OPCML: variants seen among roughly 807,000 people sequenced by gnomAD.
OPCML encodes the protein opioid-binding protein/cell adhesion molecule.
Under a neutral mutation model 37.8 loss-of-function variants are expected in OPCML, and 13 were observed. That is an observed-to-expected ratio of 0.34 (90% CI 0.22 to 0.55). The LOEUF (loss-of-function observed/expected upper bound fraction) is 0.55. Ranked by LOEUF, OPCML falls within the 20% of genes least tolerant of loss-of-function variation. The pLI is 0.91. For missense variants in OPCML, 341 were observed against 435.6 expected, an observed-to-expected ratio of 0.78 and a Z score of 1.93; for synonymous variants, 176 against 168.8, an observed-to-expected ratio of 1.04 and a Z score of -0.33.
rs187366223 is a variant in OPCML at position 133,360,622 on chromosome 11, A to G, written c.61+171642T>C. 2.6e-3 allele frequency: 392 copies of G among 152,406 alleles called. 2 individuals carry two copies. Among genetic ancestry groups the G allele is most frequent in the African/African-American group, 8.8e-3 (364 of 41,552 alleles). 9.4% of individuals were successfully genotyped at this position (152,406 alleles called of 1,614,324 possible). Reference sequence around the variant, plus strand: ...AGGGGAGAAAGGGGAGGAGGGAAGAAGGGAGGAGGGAAGAAGGGGGAGACG... The same window carrying G: ...AGGGGAGAAAGGGGAGGAGGGAAGAGGGGAGGAGGGAAGAAGGGGGAGACG... On this transcript the variant is annotated intron_variant, in intron 1 of 7. Transcript: ENST00000524381.
intron 1 of OPCML, among the ~76,000 whole-genome samples, chr11:133,138,398 A>G (rs10894653): frequency 0.066 from 9,977 of 152,234 alleles, 458 homozygotes; most frequent in African/African-American, 0.13. Context: ...CTGTTCAATC[A>G]AGGTAACCAT....
intron 1 of OPCML, among the ~76,000 whole-genome samples, chr11:133,503,385 C>G (rs1398706000): frequency 1.3e-5 from 2 of 152,076 alleles, no homozygotes; most frequent in Admixed American, 6.5e-5. Flanking sequence ...GGTCAACAAC[C>G]CCTCCCTCAC....
chr11:133,355,795 T>A (rs1307209800), intron 1 of OPCML, among the ~76,000 whole-genome samples: 2 of 152,180 alleles, frequency 1.3e-5, no homozygotes, highest in African/African-American at 4.8e-5. Context: ...AAAATAGATT[T>A]CAGTCAAATC....
At chr11:132,502,982 ATGGGCTCC>A (rs2096248827) in intron 4 of OPCML, among the ~76,000 whole-genome samples, 1 of 152,122 alleles carries the variant, frequency 6.6e-6, no homozygotes, top group Non-Finnish European at 1.5e-5. Flanking sequence ...GGGGTGACTG[ATGGGCTCC>A]ATTTTACAGA....
At chr11:132,710,778 A>G (rs139869812) in intron 2 of OPCML, among the ~76,000 whole-genome samples, 1 of 151,876 alleles carries the variant, frequency 6.6e-6, no homozygotes, top group Non-Finnish European at 1.5e-5. Flanking sequence ...TTGCTTGAAC[A>G]TGGGAGGTGG....
intron 1 of OPCML, among the ~76,000 whole-genome samples, chr11:133,221,501 A>G (rs552760663): frequency 6.6e-6 from 1 of 152,320 alleles, no homozygotes; most frequent in South Asian, 2.1e-4. Flanking sequence ...GTGCTGGCAC[A>G]GTGCCTCGTC....
chr11:133,011,473 C>T (rs1425199651), intron 1 of OPCML, among the ~76,000 whole-genome samples: 5 of 152,182 alleles, frequency 3.3e-5, no homozygotes, highest in South Asian at 4.2e-4. Flanking sequence ...TTTAGGTTCC[C>T]GAGATTCCAT....
intron 3 of OPCML, among the ~76,000 whole-genome samples, chr11:132,575,661 TACTC>T (rs541022090): frequency 3.8e-3 from 578 of 152,190 alleles, no homozygotes; most frequent in African/African-American, 0.013. Context: ...AAAAGTGACT[TACTC>T]ACTACCATTA....
intron 4 of OPCML, among the ~76,000 whole-genome samples, chr11:132,516,997 C>T (rs1242390730): frequency 1.3e-5 from 2 of 152,108 alleles, no homozygotes; most frequent in Non-Finnish European, 2.9e-5. Flanking sequence ...TCAATGACTC[C>T]AGGCCGCCAC....
chr11:132,510,952 A>T (rs969243840), intron 4 of OPCML, among the ~76,000 whole-genome samples: 1 of 152,234 alleles, frequency 6.6e-6, no homozygotes, highest in Admixed American at 6.5e-5. Flanking sequence ...TTTTAATATC[A>T]TGTTACTGGA....
At chr11:133,244,967 A>G (rs1940867801) in intron 1 of OPCML, among the ~76,000 whole-genome samples, 1 of 152,260 alleles carries the variant, frequency 6.6e-6, no homozygotes, top group Non-Finnish European at 1.5e-5. Flanking sequence ...GGCAACAGGC[A>G]GACAGGCCCC....
At chr11:133,041,259 G>A (rs7129438) in intron 1 of OPCML, among the ~76,000 whole-genome samples, 92,617 of 152,088 alleles carry the variant, frequency 0.61, 29,117 homozygotes, top group African/African-American at 0.76. Context: ...GATAACGCTT[G>A]TAAAGCACTT....
intron 1 of OPCML, among the ~76,000 whole-genome samples, chr11:133,457,181 C>T (rs911107412): frequency 1.3e-5 from 2 of 152,156 alleles, no homozygotes; most frequent in African/African-American, 4.8e-5. Flanking sequence ...AAAAAACTTA[C>T]AGGCCAGAGA....
chr11:133,026,661 G>A (rs370366229), intron 1 of OPCML: 1 of 811,968 alleles, frequency 1.2e-6, no homozygotes. Context: ...GCATTGCCTG[G>A]ATTCCTACAG....
intron 1 of OPCML, among the ~76,000 whole-genome samples, chr11:133,501,306 C>A (rs554767555): frequency 6.6e-6 from 1 of 152,260 alleles, no homozygotes; most frequent in Admixed American, 6.5e-5. Flanking sequence ...CGGTACAGTG[C>A]GGCTAGTGAA....
chr11:132,935,917 G>A (rs1945353073), intron 2 of OPCML, among the ~76,000 whole-genome samples: 1 of 152,188 alleles, frequency 6.6e-6, no homozygotes, highest in South Asian at 2.1e-4. Context: ...GCCCTTTGAG[G>A]TTCCATATGT....
chr11:132,861,777 G>A (rs951675156), intron 2 of OPCML, among the ~76,000 whole-genome samples: 3 of 151,158 alleles, frequency 2.0e-5, no homozygotes, highest in South Asian at 4.2e-4. Flanking sequence ...GGAGCTTGCA[G>A]TGAGCTGAGA....
At chr11:132,903,276 T>C (rs1362225108) in intron 2 of OPCML, among the ~76,000 whole-genome samples, 1 of 152,222 alleles carries the variant, frequency 6.6e-6, no homozygotes, top group Non-Finnish European at 1.5e-5. Context: ...AGGTTTCCCA[T>C]ATGTGACCAA....
intron 1 of OPCML, among the ~76,000 whole-genome samples, chr11:132,959,289 A>C (rs1946036410): frequency 6.6e-6 from 1 of 152,222 alleles, no homozygotes. Flanking sequence ...CAGTCTCACA[A>C]TAAACTTGAA....
Sources: allele counts gnomAD v4.1 joint callset (sites outside exome capture counted in the v4.1 genomes callset), GRCh38; gene constraint gnomAD v4.1.1; transcripts MANE v1.5; gene names NCBI Gene and HGNC (gene_info 2026-07-23, HGNC 2026-07-21).